The following NUP155 variants were observed in gnomAD, a reference collection of about 807,000 sequenced individuals.
The protein encoded by NUP155 is nucleoporin 155.
In NUP155, 71 loss-of-function variants were observed where a neutral mutation model predicts 180.4. That is an observed-to-expected ratio of 0.39 (90% CI 0.33 to 0.48). The LOEUF (loss-of-function observed/expected upper bound fraction) is 0.48. Ranked by LOEUF, NUP155 falls within the 20% of genes least tolerant of loss-of-function variation. NUP155 has a pLI of 0.91. For missense variants in NUP155, 1,553 were observed against 1,648.9 expected (o/e 0.94, Z 1.01); for synonymous variants, 582 against 559.5 (o/e 1.04, Z -0.57).
rs537316433 is a variant in NUP155, at chr5:37,310,445, G to A, written c.2628+107C>T. On this transcript the variant is annotated intron_variant, in intron 23 of 34. Coordinates refer to ENST00000231498, the MANE Select transcript of NUP155 (RefSeq NM_153485.3). ...GATGAGGATTCTGAGGCTAGGAGAGGTTAAGAGATCTAACTGACTGAGGTC... is the reference window on the plus strand; with the variant it reads ...GATGAGGATTCTGAGGCTAGGAGAGATTAAGAGATCTAACTGACTGAGGTC... The A allele has an allele frequency of 7.7e-5, 65 of 848,176 alleles. No homozygotes were observed. In the African/African-American group the frequency reaches 9.9e-4, roughly 13 times the overall value. The allele number at this position is 848,176 out of a possible 1,614,324, so 52.5% of individuals were successfully genotyped here. A position where few individuals can be genotyped will look rare whatever the true frequency, so the allele number is the denominator to read the frequency against.
At chr5:37,337,358 T>C (rs1745397492) in intron 12 of NUP155, among the ~76,000 whole-genome samples, 1 of 152,104 alleles carries the variant, frequency 6.6e-6, no homozygotes, top group African/African-American at 2.4e-5. Context: ...CTTCAAACTT[T>C]ATGTTTGAAA....
Position 37,290,617 on chromosome 5 carries a change from T to C in NUP155, c.*1283A>G, listed in dbSNP as rs1261436726. On this transcript the variant is annotated 3_prime_UTR_variant, in exon 35 of 35. Transcript: ENST00000231498. Reference sequence around the variant, plus strand: ...TGTTAAGGAATAATTAAAAAGTACATTACTAACAGTTTTGCTTTATATATT... The same window carrying C: ...TGTTAAGGAATAATTAAAAAGTACACTACTAACAGTTTTGCTTTATATATT... 2 of 152,218 alleles carry C rather than the reference T, an allele frequency of 1.3e-5. No homozygotes were observed. The highest frequency in any genetic ancestry group is 4.8e-5 in the African/African-American group (2 of 41,454). The allele number at this position is 152,218 out of a possible 1,614,324, so 9.4% of individuals were successfully genotyped here.
In NUP155 at chr5:37,327,700, A is replaced by G. The variant is rs1470045645; in HGVS notation, c.1953T>C (p.Cys651=). 7 of 1,614,164 alleles carry G rather than the reference A, an allele frequency of 4.3e-6. No individual in the cohort carries two copies. The highest frequency in any genetic ancestry group is 4.2e-6 in the Non-Finnish European group (5 of 1,180,002). ...AGTACACAATCTCTGGTCCAGTCAC[A>G]CAACTCATATTTGTGGCCTGAGTTG... The part of the protein sequence containing the change: ...NPATQATNMS[C]VTGPEIVYSG... Residue 651 remains cysteine, a synonymous_variant, in exon 18 of 35, where the codon TGT becomes TGC. Coordinates refer to ENST00000231498, the MANE Select transcript of NUP155 (RefSeq NM_153485.3).
chr5:37,310,630 G>A lies in NUP155; in HGVS notation c.2550C>T (p.Ala850=), dbSNP rs764933619. The change falls in exon 23 of 35, where the codon GCC becomes GCT. Residue 850 remains alanine, a synonymous_variant. Transcript: ENST00000231498. ...AATGTAAACTAATGCCATCAACAGC[G>A]GCATTATCTCTGATGTAGCAGTTGA... The part of the protein sequence containing the change: ...SLINCYIRDN[A]AVDGISLHLQ... 44 of 1,613,372 alleles carry A rather than the reference G, an allele frequency of 2.7e-5. No individual in the cohort carries two copies. The highest frequency in any genetic ancestry group is 2.3e-4 in the Admixed American group (14 of 59,950).
intron 32 of NUP155, among the ~76,000 whole-genome samples, chr5:37,298,237 CA>C (rs11390520): frequency 0.055 from 5,474 of 100,418 alleles, 270 homozygotes; most frequent in African/African-American, 0.16. Flanking sequence ...GCCTCTGTCT[CA>C]AAAAAAAAAA....
chr5:37,295,056 C>G (rs1742449749), intron 32 of NUP155, among the ~76,000 whole-genome samples: 1 of 152,212 alleles, frequency 6.6e-6, no homozygotes, highest in Non-Finnish European at 1.5e-5. Flanking sequence ...CTGTCCCTCT[C>G]CCTGTCCCTC....
At chr5:37,357,037 G>A (rs1361010216) in intron 4 of NUP155, among the ~76,000 whole-genome samples, 2 of 152,144 alleles carry the variant, frequency 1.3e-5, no homozygotes, top group Admixed American at 1.3e-4. Context: ...ATCCTGGGAG[G>A]CGGAGGCTGC....
chr5:37,323,678 TATATAAA>T (rs1744398087), intron 20 of NUP155, among the ~76,000 whole-genome samples: 2 of 149,364 alleles, frequency 1.3e-5, no homozygotes, highest in African/African-American at 4.9e-5. Flanking sequence ...TCTTATGTAA[TATATAAA>T]ATATAATATT....
At chr5:37,369,489 A>G (rs542332650) in intron 1 of NUP155, among the ~76,000 whole-genome samples, 1 of 152,296 alleles carries the variant, frequency 6.6e-6, no homozygotes, top group Admixed American at 6.5e-5. Context: ...GTGAAAGAGG[A>G]AGGTGTGTGT....
At chr5:37,335,462 C>T (rs1745267504) in intron 12 of NUP155, among the ~76,000 whole-genome samples, 1 of 150,996 alleles carries the variant, frequency 6.6e-6, no homozygotes, top group Non-Finnish European at 1.5e-5. Context: ...GTTGAATATA[C>T]AGTAAAAGTC....
In NUP155 at chr5:37,327,612, T is replaced by C. The variant is rs773119691; in HGVS notation, c.2024+17A>G. On this transcript the variant is annotated intron_variant, in intron 18 of 34. Coordinates refer to ENST00000231498, the MANE Select transcript of NUP155 (RefSeq NM_153485.3). The stretch of plus-strand genomic sequence containing the variant: ...GGACAAGGTGAGCAATAATTCATTA[T>C]TTCATGACAAACTTACCCCATGATC... 3 of 1,613,802 alleles carry C rather than the reference T, an allele frequency of 1.9e-6. No individual in the cohort carries two copies. The highest frequency in any genetic ancestry group is 3.3e-5 in the Admixed American group (2 of 60,018).
At chr5:37,323,886 C>A in intron 20 of NUP155, 106 bp downstream of exon 20, 1 of 759,262 alleles carries the variant, frequency 1.3e-6, no homozygotes, top group South Asian at 1.5e-5. Context: ...CTAAAAAATA[C>A]TAAACTGCAC....
chr5:37,297,190 CTTAATT>C (rs1742633048), intron 32 of NUP155, among the ~76,000 whole-genome samples: 1 of 152,096 alleles, frequency 6.6e-6, no homozygotes, highest in South Asian at 2.1e-4. Context: ...CCTAGCTAAT[CTTAATT>C]TTTTTTGTAG....
intron 3 of NUP155, among the ~76,000 whole-genome samples, chr5:37,362,769 ACAAT>A (rs1747303684): frequency 6.6e-6 from 1 of 152,226 alleles, no homozygotes; most frequent in South Asian, 2.1e-4. Context: ...AAAAATAATC[ACAAT>A]CATACATCAC....
At chr5:37,344,303 T>C (rs1745931793) in intron 9 of NUP155, among the ~76,000 whole-genome samples, 1 of 137,856 alleles carries the variant, frequency 7.3e-6, no homozygotes, top group South Asian at 2.2e-4. Flanking sequence ...GATAGCACCA[T>C]GGCACTCCAG....
chr5:37,366,586 G>A (rs1379230556), intron 1 of NUP155, among the ~76,000 whole-genome samples: 1 of 151,792 alleles, frequency 6.6e-6, no homozygotes, highest in Non-Finnish European at 1.5e-5. Flanking sequence ...TTACAGGCAT[G>A]AGCCACCACG....
At chr5:37,349,528 G>GA (rs1230736640) in intron 7 of NUP155, among the ~76,000 whole-genome samples, 1 of 152,064 alleles carries the variant, frequency 6.6e-6, no homozygotes, top group African/African-American at 2.4e-5. Flanking sequence ...AAGCCAAACT[G>GA]AAAACAAATT....
intron 29 of NUP155, among the ~76,000 whole-genome samples, chr5:37,301,769 T>C (rs1240142229): frequency 1.3e-5 from 2 of 152,218 alleles, no homozygotes; most frequent in African/African-American, 4.8e-5. Context: ...CCAATACTTA[T>C]ACCTTCCAAG....
In NUP155 at chr5:37,335,703, A is replaced by G. The variant is rs1396292144; in HGVS notation, c.1348-2070T>C. Among the ~76,000 whole-genome samples the G allele has an allele frequency of 2.0e-5, 3 of 152,312 alleles. No homozygotes were observed. The East Asian group carries it at 5.8e-4, about 29-fold the overall frequency. On this transcript the variant is annotated intron_variant, in intron 12 of 34. Transcript: ENST00000231498. ...CACGGCTTACACCTGTAATCCCAACACATTGGGAGACCAAGGCAGGTGGAT... is the reference window on the plus strand; with the variant it reads ...CACGGCTTACACCTGTAATCCCAACGCATTGGGAGACCAAGGCAGGTGGAT...
Sources: gnomAD v4.1 joint callset for allele counts (sites outside exome capture counted in the v4.1 genomes callset) on GRCh38, gnomAD v4.1.1 for gene constraint, MANE v1.5 for transcripts, NCBI Gene and HGNC (gene_info 2026-07-23, HGNC 2026-07-21) for gene names.